Variants in CNTN5 observed in about 807,000 individuals in gnomAD.
CNTN5 encodes contactin 5, also known as contactin-5.
CNTN5 carries 77 observed loss-of-function variants against 129.1 expected under a neutral mutation model. The observed-to-expected ratio is 0.60, with a 90% CI of 0.50 to 0.72. CNTN5 has a LOEUF of 0.72. Among genes scored for constraint, CNTN5 ranks in the 30% least tolerant of loss-of-function variants. The pLI is 0.00. For synonymous variants in CNTN5, 509 were observed against 465.6 expected (o/e 1.09, Z -1.20); for missense variants, 1,478 against 1,328.8 (o/e 1.11, Z -1.75).
intron 13 of CNTN5, among the ~76,000 whole-genome samples, chr11:100,167,301 T>A (rs1378984686): frequency 6.6e-6 from 1 of 151,898 alleles, no homozygotes; most frequent in Non-Finnish European, 1.5e-5. Context: ...AGCTTCTGCT[T>A]AAAAACATTA....
At chr11:99,814,704 G>A (rs1234998188) in intron 3 of CNTN5, among the ~76,000 whole-genome samples, 4 of 152,170 alleles carry the variant, frequency 2.6e-5, no homozygotes, top group Non-Finnish European at 5.9e-5. Flanking sequence ...GGGTGAAAGA[G>A]AGTGAAAGAG....
intron 3 of CNTN5, among the ~76,000 whole-genome samples, chr11:99,701,760 A>G (rs1243371184): frequency 2.6e-5 from 4 of 151,116 alleles, no homozygotes; most frequent in Non-Finnish European, 5.9e-5. Context: ...AAAACTCTAC[A>G]TTTAGAATTG....
At chr11:100,246,743 AG>A (rs1949848462) in intron 16 of CNTN5, among the ~76,000 whole-genome samples, 1 of 152,204 alleles carries the variant, frequency 6.6e-6, no homozygotes, top group Non-Finnish European at 1.5e-5. Flanking sequence ...AATTTTGTAA[AG>A]ATGTATTACT....
intron 3 of CNTN5, among the ~76,000 whole-genome samples, chr11:99,650,051 G>T (rs967079093): frequency 6.6e-6 from 1 of 151,646 alleles, no homozygotes; most frequent in South Asian, 2.1e-4. Flanking sequence ...GCATGCAAAA[G>T]ACATAAAAAG....
chr11:99,451,129 G>A (rs1335220172), intron 2 of CNTN5, among the ~76,000 whole-genome samples: 1 of 152,078 alleles, frequency 6.6e-6, no homozygotes, highest in African/African-American at 2.4e-5. Flanking sequence ...ATTGTACTCA[G>A]TGAGACCTGA....
rs114459744 is a variant in CNTN5 at position 100,321,320 on chromosome 11, A to G, written c.2730+12852A>G. Among the ~76,000 whole-genome samples, 1,326 of 147,848 alleles carry G rather than the reference A, an allele frequency of 9.0e-3. 21 individuals carry two copies. Among genetic ancestry groups the G allele is most frequent in the African/African-American group, 0.032 (1,252 of 39,578 alleles). Reference sequence around the variant, plus strand: ...TTTTTTTTTTTTGGTAGCTATTTTAAATAGGATTGGTTTCCTGATTTCTTT... The same window carrying G: ...TTTTTTTTTTTTGGTAGCTATTTTAGATAGGATTGGTTTCCTGATTTCTTT... On this transcript the variant is annotated intron_variant, in intron 21 of 24. Coordinates refer to ENST00000524871, the MANE Select transcript of CNTN5 (RefSeq NM_014361.4).
intron 3 of CNTN5, among the ~76,000 whole-genome samples, chr11:99,665,532 C>T (rs1952755826): frequency 8.2e-6 from 1 of 122,144 alleles, no homozygotes; most frequent in African/African-American, 3.2e-5. Flanking sequence ...GTTGCTCAGG[C>T]TGGAGTGCAA....
At chr11:100,339,091 A>G (rs1255265490) in intron 21 of CNTN5, among the ~76,000 whole-genome samples, 1 of 152,000 alleles carries the variant, frequency 6.6e-6, no homozygotes, top group Non-Finnish European at 1.5e-5. Context: ...CTGAAACCCC[A>G]GAGGATGGGT....
chr11:99,069,807 A>G (rs1865263431), intron 1 of CNTN5, among the ~76,000 whole-genome samples: 2 of 152,214 alleles, frequency 1.3e-5, no homozygotes, highest in South Asian at 4.1e-4. Context: ...TACTAAACAT[A>G]TAAACCTCAT....
chr11:99,778,285 G>A (rs1034950028), intron 3 of CNTN5, among the ~76,000 whole-genome samples: 2 of 151,696 alleles, frequency 1.3e-5, no homozygotes, highest in Admixed American at 1.3e-4. Flanking sequence ...TAAAGACTGA[G>A]AAGTGTTGTC....
At chr11:99,710,279 C>A (rs1470798890) in intron 3 of CNTN5, among the ~76,000 whole-genome samples, 1 of 151,846 alleles carries the variant, frequency 6.6e-6, no homozygotes, top group Admixed American at 6.6e-5. Flanking sequence ...GCACGTTCCT[C>A]CATAGAACCT....
intron 2 of CNTN5, among the ~76,000 whole-genome samples, chr11:99,472,811 T>G (rs2254792): frequency 1.4e-4 from 22 of 152,100 alleles, no homozygotes; most frequent in African/African-American, 4.8e-4. Context: ...ACACCACATG[T>G]GCACACATTA....
chr11:100,076,681 T>A (rs1485395946), intron 13 of CNTN5, among the ~76,000 whole-genome samples: 8 of 152,194 alleles, frequency 5.3e-5, no homozygotes, highest in African/African-American at 1.9e-4. Flanking sequence ...ATTTTTTTTT[T>A]TAATTTATTC....
chr11:100,096,363 A>C (rs1025841258), intron 13 of CNTN5, among the ~76,000 whole-genome samples: 1 of 152,110 alleles, frequency 6.6e-6, no homozygotes, highest in Non-Finnish European at 1.5e-5. Context: ...TAAGTAGAGC[A>C]CATGGCTCAT....
At chr11:99,924,188 A>T (rs904140370) in intron 7 of CNTN5, among the ~76,000 whole-genome samples, 7 of 152,168 alleles carry the variant, frequency 4.6e-5, no homozygotes, top group Non-Finnish European at 1.0e-4. Context: ...ATAATTAGTG[A>T]TGCTGAACAT....
At chr11:100,160,169 G>GTGTT (rs1332763181) in intron 13 of CNTN5, among the ~76,000 whole-genome samples, 1 of 151,860 alleles carries the variant, frequency 6.6e-6, no homozygotes, top group African/African-American at 2.4e-5. Context: ...ACAACATGCG[G>GTGTT]TGTTTGGTTT....
At chr11:99,895,276 T>C (rs969949212) in intron 6 of CNTN5, among the ~76,000 whole-genome samples, 3 of 152,220 alleles carry the variant, frequency 2.0e-5, no homozygotes, top group Middle Eastern at 3.2e-3. Flanking sequence ...CTAGTCAATA[T>C]TGACATTCCC....
At chr11:99,927,743 G>A (rs1950095832) in intron 7 of CNTN5, among the ~76,000 whole-genome samples, 1 of 152,106 alleles carries the variant, frequency 6.6e-6, no homozygotes, top group Admixed American at 6.5e-5. Flanking sequence ...AATTCAAAAT[G>A]AGATTTGTAT....
chr11:100,121,919 T>C (rs1054705147), intron 13 of CNTN5, among the ~76,000 whole-genome samples: 1 of 152,050 alleles, frequency 6.6e-6, no homozygotes, highest in African/African-American at 2.4e-5. Context: ...GAAGGGGTTT[T>C]AGGGTTCTCC....
Sources: gnomAD v4.1 joint callset for allele counts (sites outside exome capture counted in the v4.1 genomes callset) on GRCh38, gnomAD v4.1.1 for gene constraint, MANE v1.5 for transcripts, NCBI Gene and HGNC (gene_info 2026-07-23, HGNC 2026-07-21) for gene names.